MTMR3: variants seen among roughly 807,000 people sequenced by gnomAD.
MTMR3 encodes myotubularin related protein 3.
Under a neutral mutation model 132.4 loss-of-function variants are expected in MTMR3, and 32 were observed. The observed-to-expected ratio is 0.24, with a 90% CI of 0.18 to 0.32. MTMR3 has a LOEUF of 0.32. Ranked by LOEUF, MTMR3 falls within the 10% of genes least tolerant of loss-of-function variation. The pLI, the probability that MTMR3 is intolerant of heterozygous loss-of-function variation, is 1.00. For synonymous variants in MTMR3, 556 were observed against 550.3 expected, an observed-to-expected ratio of 1.01 and a Z score of -0.14; for missense variants, 1,216 against 1,489.6, an observed-to-expected ratio of 0.82 and a Z score of 3.02.
intron 6 of MTMR3, 119 bp downstream of exon 6, chr22:29,988,681 T>A (rs1443833023): frequency 6.4e-6 from 4 of 620,172 alleles, no homozygotes; most frequent in Non-Finnish European, 1.0e-5. Context: ...TTAGGAATAT[T>A]TTCTGAGTAG....
intron 1 of MTMR3, among the ~76,000 whole-genome samples, chr22:29,911,611 G>C (rs368185747): frequency 2.0e-5 from 3 of 150,696 alleles, no homozygotes; most frequent in African/African-American, 7.3e-5. Context: ...TTACAACTGA[G>C]AATTTTGACC....
chr22:29,957,746 C>T (rs1172881630), intron 2 of MTMR3, among the ~76,000 whole-genome samples: 2 of 152,054 alleles, frequency 1.3e-5, no homozygotes, highest in Non-Finnish European at 2.9e-5. Flanking sequence ...AAAAATAAGA[C>T]CTCTTATTAC....
At chr22:29,939,058 A>G (rs1385988496) in intron 1 of MTMR3, among the ~76,000 whole-genome samples, 2 of 151,966 alleles carry the variant, frequency 1.3e-5, no homozygotes, top group African/African-American at 4.8e-5. Context: ...CTGACCTCAA[A>G]TGATATACCC....
At chr22:29,928,329 G>A (rs959504889) in intron 1 of MTMR3, among the ~76,000 whole-genome samples, 15 of 151,742 alleles carry the variant, frequency 9.9e-5, no homozygotes, top group Admixed American at 2.6e-4. Context: ...CTGCCACCAC[G>A]TCCAGATAAT....
intron 7 of MTMR3, chr22:29,992,191 C>T (rs2066976016): frequency 6.6e-6 from 1 of 152,464 alleles, no homozygotes; most frequent in Non-Finnish European, 1.5e-5. Context: ...AGCAATTCCC[C>T]TGCCTCAGCC....
chr22:29,902,406 G>GTTT lies in MTMR3; in HGVS notation c.-138+19064_-138+19066dup, dbSNP rs534691732. Among the ~76,000 whole-genome samples the GTTT allele has an allele frequency of 4.1e-3, 554 of 134,466 alleles. 7 individuals are homozygous for GTTT. Among genetic ancestry groups the GTTT allele is most frequent in the African/African-American group, 0.014 (506 of 36,184 alleles). 88.2% of individuals were successfully genotyped at this position (134,466 alleles called of 152,430 possible). Reference sequence around the variant, plus strand: ...AATGGTTATATAATTGGTTATGAAAGTTTTTTTTTTTTTTTTTTTGAGACG... The same window carrying GTTT: ...AATGGTTATATAATTGGTTATGAAAGTTTTTTTTTTTTTTTTTTTTTTGAGACG... On this transcript the variant is annotated intron_variant, in intron 1 of 19. Transcript: ENST00000401950.
rs371350118 is a variant in MTMR3, at chr22:29,949,202, C to T, written c.-137-7834C>T. On this transcript the variant is annotated intron_variant, in intron 1 of 19. Coordinates refer to ENST00000401950, the MANE Select transcript of MTMR3 (RefSeq NM_021090.4). ...ACACACACACATGCGTGCGCGTGCA[C>T]GCGCGCCAGGCGTGGTGGCTCATGC... Among the ~76,000 whole-genome samples, 12 of 144,458 alleles carry T rather than the reference C, an allele frequency of 8.3e-5. No individual in the cohort carries two copies. In the East Asian group the frequency reaches 2.4e-3, roughly 29 times the overall value. The allele number at this position is 144,458 out of a possible 152,430, so 94.8% of individuals were successfully genotyped here.
At chr22:30,010,155 C>T (rs1019646940) in intron 12 of MTMR3, 3 of 152,122 alleles carry the variant, frequency 2.0e-5, no homozygotes, top group African/African-American at 7.2e-5. Context: ...CGCTTTCTTC[C>T]CTAGGGTGGT....
rs911629103 is a variant in MTMR3, at chr22:30,028,443, G to C, written c.*2642G>C. Reference sequence around the variant, plus strand: ...GCTCCTTAGCTCTTACAGCAGGACTGTGGCATCTAGTCACTTCAATACTAG... The same window carrying C: ...GCTCCTTAGCTCTTACAGCAGGACTCTGGCATCTAGTCACTTCAATACTAG... On this transcript the variant is annotated 3_prime_UTR_variant, in exon 20 of 20. Coordinates refer to ENST00000401950, the MANE Select transcript of MTMR3 (RefSeq NM_021090.4). 1.3e-5 allele frequency: 2 copies of C among 152,398 alleles called. No homozygotes were observed. Among genetic ancestry groups the C allele is most frequent in the African/African-American group, 4.8e-5 (2 of 41,462 alleles). The allele number at this position is 152,398 out of a possible 1,614,324, so 9.4% of individuals were successfully genotyped here.
chr22:29,963,328 T>C (rs1344328419), intron 2 of MTMR3, among the ~76,000 whole-genome samples: 1 of 151,736 alleles, frequency 6.6e-6, no homozygotes, highest in Non-Finnish European at 1.5e-5. Flanking sequence ...AGCAGTGTGC[T>C]GACTACATCT....
chr22:29,972,174 T>C (rs2066549209), intron 3 of MTMR3, among the ~76,000 whole-genome samples: 1 of 152,240 alleles, frequency 6.6e-6, no homozygotes, highest in Admixed American at 6.5e-5. Flanking sequence ...TTATATTTTA[T>C]TTTATTGGTT....
chr22:29,937,552 G>T (rs1233816652), intron 1 of MTMR3, among the ~76,000 whole-genome samples: 1 of 152,076 alleles, frequency 6.6e-6, no homozygotes, highest in Non-Finnish European at 1.5e-5. Flanking sequence ...GAGTAGCGGG[G>T]ACTATAGGCT....
intron 1 of MTMR3, among the ~76,000 whole-genome samples, chr22:29,884,765 T>C (rs1229703834): frequency 6.6e-6 from 1 of 152,140 alleles, no homozygotes; most frequent in Non-Finnish European, 1.5e-5. Context: ...GATTTCACCA[T>C]GTTGGCCAGG....
intron 1 of MTMR3, among the ~76,000 whole-genome samples, chr22:29,918,983 T>G (rs2065358848): frequency 6.6e-6 from 1 of 152,212 alleles, no homozygotes; most frequent in Non-Finnish European, 1.5e-5. Context: ...TGGCCTCAAG[T>G]GATCTCCTGC....
chr22:29,929,316 C>CA (rs142038778), intron 1 of MTMR3, among the ~76,000 whole-genome samples: 214 of 152,156 alleles, frequency 1.4e-3, no homozygotes, highest in African/African-American at 5.0e-3. Context: ...ATTTTTCCAC[C>CA]AGTGCCAGTA....
chr22:29,935,203 A>G (rs976456830), intron 1 of MTMR3, among the ~76,000 whole-genome samples: 2 of 152,212 alleles, frequency 1.3e-5, no homozygotes, highest in Non-Finnish European at 2.9e-5. Context: ...TCAATTTACA[A>G]TAGGACATTA....
chr22:29,901,241 G>A (rs1264394520), intron 1 of MTMR3, among the ~76,000 whole-genome samples: 2 of 150,610 alleles, frequency 1.3e-5, no homozygotes, highest in African/African-American at 4.9e-5. Context: ...GTAAGCACTA[G>A]GTAGTTTTCT....
intron 1 of MTMR3, among the ~76,000 whole-genome samples, chr22:29,887,195 G>GA (rs1479511934): frequency 3.9e-5 from 6 of 152,182 alleles, no homozygotes; most frequent in African/African-American, 1.4e-4. Context: ...ATTGTAGCAT[G>GA]AAAGTGGGTA....
chr22:30,009,796 T>C (rs913823934), intron 12 of MTMR3: 5 of 152,224 alleles, frequency 3.3e-5, no homozygotes, highest in African/African-American at 1.2e-4. Context: ...TATTTAAAAA[T>C]CCTGTTTTAC....
Sources: gnomAD v4.1 joint callset for allele counts (sites outside exome capture counted in the v4.1 genomes callset) on GRCh38, gnomAD v4.1.1 for gene constraint, MANE v1.5 for transcripts, NCBI Gene and HGNC (gene_info 2026-07-23, HGNC 2026-07-21) for gene names.